ME1: variants seen among roughly 807,000 people sequenced by gnomAD.
The protein encoded by ME1 is malic enzyme 1.
In ME1, 74 loss-of-function variants were observed where a neutral mutation model predicts 66.4. The observed-to-expected ratio is 1.11, with a 90% CI of 0.92 to 1.35. The LOEUF is 1.35. Ranked by LOEUF, ME1 falls within the 40% of genes most tolerant of loss-of-function variation. The probability of loss-of-function intolerance (pLI) is 0.00; values close to 1 mark genes in which losing one functional copy is unlikely to be tolerated. For synonymous variants in ME1, 251 were observed against 235.6 expected (o/e 1.07, Z -0.60); for missense variants, 750 against 694.1 (o/e 1.08, Z -0.90).
chr6:83,229,590 A>G (rs1790260093), intron 9 of ME1, among the ~76,000 whole-genome samples: 1 of 152,184 alleles, frequency 6.6e-6, no homozygotes, highest in African/African-American at 2.4e-5. Context: ...CCCCTCAACA[A>G]TTCTGAGAAG....
chr6:83,263,638 C>A (rs1451577069), intron 6 of ME1, among the ~76,000 whole-genome samples: 2 of 151,970 alleles, frequency 1.3e-5, no homozygotes, highest in Non-Finnish European at 2.9e-5. Context: ...CATAGCAAGG[C>A]CCTAACTCTC....
chr6:83,393,816 A>G (rs1241913588), intron 3 of ME1, among the ~76,000 whole-genome samples: 1 of 152,166 alleles, frequency 6.6e-6, no homozygotes, highest in African/African-American at 2.4e-5. Flanking sequence ...GGACATGCAC[A>G]GATGTTTATA....
At chr6:83,376,060 C>A (rs1042878647) in intron 3 of ME1, among the ~76,000 whole-genome samples, 14 of 152,008 alleles carry the variant, frequency 9.2e-5, no homozygotes, top group African/African-American at 3.4e-4. Flanking sequence ...TACAAATTAA[C>A]AAATGAGAAA....
intron 5 of ME1, among the ~76,000 whole-genome samples, chr6:83,329,843 C>T (rs1768370964): frequency 6.6e-6 from 1 of 152,008 alleles, no homozygotes; most frequent in Non-Finnish European, 1.5e-5. Flanking sequence ...TTTTTAGAGA[C>T]AAGTTCTCAC....
intron 6 of ME1, among the ~76,000 whole-genome samples, chr6:83,295,028 T>C (rs916506798): frequency 6.6e-6 from 1 of 152,088 alleles, no homozygotes; most frequent in Non-Finnish European, 1.5e-5. Flanking sequence ...TTTCAGAGCA[T>C]TAAGAGGGAG....
At chr6:83,406,609 AG>A (rs1188371611) in intron 2 of ME1, among the ~76,000 whole-genome samples, 1 of 152,170 alleles carries the variant, frequency 6.6e-6, no homozygotes, top group Admixed American at 6.5e-5. Context: ...ACGAATTTGC[AG>A]GGGGACACAA....
At chr6:83,304,870 T>A (rs1767797430) in intron 6 of ME1, among the ~76,000 whole-genome samples, 1 of 152,178 alleles carries the variant, frequency 6.6e-6, no homozygotes, top group African/African-American at 2.4e-5. Flanking sequence ...CTTTGACATA[T>A]GTCAGCTCAA....
chr6:83,249,410 A>G lies in ME1; in HGVS notation c.814+4219T>C, dbSNP rs1006554199. Among the ~76,000 whole-genome samples, 20 of 152,116 alleles carry G rather than the reference A, an allele frequency of 1.3e-4. No homozygotes were observed. The East Asian group carries it at 3.9e-3, about 29-fold the overall frequency. On this transcript the variant is annotated intron_variant, in intron 7 of 13. Coordinates refer to ENST00000369705, the MANE Select transcript of ME1 (RefSeq NM_002395.6). ...CTGGGCTAATTTTTGTATTTCTAGT[A>G]GAGATGGGGCTTCACCATATTGGCC...
chr6:83,331,170 T>C (rs1421983680), intron 5 of ME1, among the ~76,000 whole-genome samples: 1 of 152,180 alleles, frequency 6.6e-6, no homozygotes, highest in African/African-American at 2.4e-5. Context: ...CCCAAATTCA[T>C]ATGTTGAATC....
chr6:83,383,345 A>G (rs546728718), intron 3 of ME1, among the ~76,000 whole-genome samples: 10 of 151,936 alleles, frequency 6.6e-5, no homozygotes, highest in African/African-American at 2.2e-4. Context: ...TACTGACTCA[A>G]TCTCTACATA....
intron 5 of ME1, among the ~76,000 whole-genome samples, chr6:83,320,254 C>A (rs1768126101): frequency 6.6e-6 from 1 of 152,128 alleles, no homozygotes; most frequent in Admixed American, 6.5e-5. Context: ...GAAGGTTAAA[C>A]CTTCAGATGT....
chr6:83,340,705 G>A lies in ME1; in HGVS notation c.600+5468C>T, dbSNP rs1296791956. 3.3e-5 allele frequency among the ~76,000 whole-genome samples: 5 copies of A among 150,988 alleles called. No homozygotes were observed. In the East Asian group the frequency reaches 9.9e-4, roughly 30 times the overall value. On this transcript the variant is annotated intron_variant, in intron 5 of 13. Transcript: ENST00000369705. The stretch of plus-strand genomic sequence containing the variant: ...TATTTTTTTTTTTTTACCAAGTTTG[G>A]ATATCAAGGTTATGCTCTTTTTAAA...
intron 6 of ME1, among the ~76,000 whole-genome samples, chr6:83,281,919 A>C (rs1192631308): frequency 6.6e-6 from 1 of 151,056 alleles, no homozygotes; most frequent in Non-Finnish European, 1.5e-5. Flanking sequence ...AGCACAAAGA[A>C]ACTTGTAAGA....
chr6:83,312,911 G>A (rs1767957753), intron 6 of ME1, among the ~76,000 whole-genome samples: 1 of 152,070 alleles, frequency 6.6e-6, no homozygotes, highest in Non-Finnish European at 1.5e-5. Flanking sequence ...ACGCCACCAT[G>A]CCTGGCTAAT....
Position 83,323,237 on chromosome 6 carries a change from C to T in ME1, c.601-7824G>A, listed in dbSNP as rs563699867. Among the ~76,000 whole-genome samples, 10 of 152,238 alleles carry T rather than the reference C, an allele frequency of 6.6e-5. No homozygotes were observed. In the South Asian group the frequency reaches 2.1e-3, roughly 32 times the overall value. ...AAAGACCATTGACATTATGAGGAAACTGTATCAACTAATGGGCAAAATAAC... is the reference window on the plus strand; with the variant it reads ...AAAGACCATTGACATTATGAGGAAATTGTATCAACTAATGGGCAAAATAAC... On this transcript the variant is annotated intron_variant, in intron 5 of 13. Coordinates refer to ENST00000369705, the MANE Select transcript of ME1 (RefSeq NM_002395.6).
At chr6:83,344,367 C>T (rs2128543553) in intron 5 of ME1, among the ~76,000 whole-genome samples, 1 of 151,000 alleles carries the variant, frequency 6.6e-6, no homozygotes, top group Admixed American at 6.6e-5. Flanking sequence ...CATTTCTCCA[C>T]AGGATTTTTA....
intron 1 of ME1, among the ~76,000 whole-genome samples, chr6:83,420,233 A>G (rs1337688200): frequency 6.6e-6 from 1 of 152,034 alleles, no homozygotes. Flanking sequence ...ATGCCCAGCT[A>G]ATTTTTATAT....
chr6:83,404,333 C>T (rs1349800294), intron 2 of ME1, among the ~76,000 whole-genome samples: 1 of 151,974 alleles, frequency 6.6e-6, no homozygotes, highest in Non-Finnish European at 1.5e-5. Flanking sequence ...TATCCTTTGC[C>T]CACTTTTTGA....
chr6:83,326,465 G>A (rs955672850), intron 5 of ME1, among the ~76,000 whole-genome samples: 7 of 152,124 alleles, frequency 4.6e-5, no homozygotes, highest in South Asian at 2.1e-4. Context: ...CCTACAGAAT[G>A]GGAGAAATTT....
Sources: allele counts gnomAD v4.1 joint callset (sites outside exome capture counted in the v4.1 genomes callset), GRCh38; gene constraint gnomAD v4.1.1; transcripts MANE v1.5; gene names NCBI Gene and HGNC (gene_info 2026-07-23, HGNC 2026-07-21).